MAST3: variants seen among roughly 807,000 people sequenced by gnomAD.
MAST3 encodes microtubule associated serine/threonine kinase 3.
In MAST3, 43 loss-of-function variants were observed where a neutral mutation model predicts 127.0. The ratio of observed to expected loss-of-function variants is 0.34; its 90% CI spans 0.27 to 0.44. MAST3 has a LOEUF of 0.44. Among genes scored for constraint, MAST3 ranks in the 20% least tolerant of loss-of-function variants. The pLI is 1.00. For missense variants in MAST3, 1,390 were observed against 1,919.1 expected (o/e 0.72, Z 5.15); for synonymous variants, 785 against 809.2 (o/e 0.97, Z 0.51).
At chr19:18,118,288 C>G (rs895110439) in intron 3 of MAST3, 2 of 979,664 alleles carry the variant, frequency 2.0e-6, no homozygotes, top group African/African-American at 3.5e-5. Flanking sequence ...GGCTCGGCGG[C>G]CAGCCGAGCA....
intron 11 of MAST3, 45 bp from the exon 12 acceptor site, chr19:18,128,355 G>C: frequency 6.7e-7 from 1 of 1,486,414 alleles, no homozygotes. Context: ...GTGATGCAGG[G>C]TGAGGCAGGG....
intron 1 of MAST3, among the ~76,000 whole-genome samples, chr19:18,106,540 C>CTCAT (rs2038079788): frequency 7.4e-6 from 1 of 136,012 alleles, no homozygotes; most frequent in Admixed American, 7.4e-5. Flanking sequence ...CTTGGCCCTT[C>CTCAT]TTATTTATTT....
chr19:18,110,181 T>C lies in MAST3; in HGVS notation c.72-471T>C. ...CCCCCAGCGGCCCAGCCCCCGCGTC[T>C]AGTCTGCCGCACCAGCCAGGCGTCT... On this transcript the variant is annotated intron_variant, in intron 2 of 27. Coordinates refer to ENST00000687212, the MANE Select transcript of MAST3 (RefSeq NM_001393504.1). The surrounding 1 kb of genome is among the most constrained non-coding windows in gnomAD (Gnocchi z 4.3). 2.0e-6 allele frequency: 2 copies of C among 985,388 alleles called. No individual in the cohort carries two copies. The highest frequency in any genetic ancestry group is 2.4e-6 in the Non-Finnish European group (2 of 829,950). 61.0% of individuals were successfully genotyped at this position (985,388 alleles called of 1,614,324 possible). A position where few individuals can be genotyped will look rare whatever the true frequency, so the allele number is the denominator to read the frequency against.
In MAST3 at chr19:18,130,705, A is replaced by T. The variant is rs1260713899; in HGVS notation, c.1432+3A>T. 1.2e-6 allele frequency: 2 copies of T among 1,612,666 alleles called. No individual in the cohort carries two copies. The highest frequency in any genetic ancestry group is 8.5e-7 in the Non-Finnish European group (1 of 1,179,358). ...TATGGTCATGGAATACGTGGAAGGT[A>T]CGCTCACTGGGGCTTGCATGCCTCC... On this transcript the variant is annotated splice_donor_region_variant and intron_variant, in intron 14 of 27. Coordinates refer to ENST00000687212, the MANE Select transcript of MAST3 (RefSeq NM_001393504.1).
At chr19:18,122,859 C>A in intron 6 of MAST3, 108 bp downstream of exon 6, 1 of 1,188,316 alleles carries the variant, frequency 8.4e-7, no homozygotes, top group Non-Finnish European at 1.2e-6. Flanking sequence ...AGTCAGCAAA[C>A]ATACTAGTTA....
intron 13 of MAST3, 64 bp downstream of exon 13, chr19:18,129,015 G>A: frequency 3.6e-6 from 5 of 1,391,292 alleles, no homozygotes; most frequent in South Asian, 3.5e-5. Context: ...TGAGGCCCAG[G>A]CAGCTCCTGC....
Position 18,147,063 on chromosome 19 carries a change from C to CATGGGG in MAST3, c.3326+20_3326+21insTGGGGA, listed in dbSNP as rs557399204. On this transcript the variant is annotated intron_variant, in intron 26 of 27. Coordinates refer to ENST00000687212, the MANE Select transcript of MAST3 (RefSeq NM_001393504.1). ...GGGAGCGGTACACAGGGGGCGGGGC[C>CATGGGG]ACGGGGACTGGGGTTCTTTTTTTCT... The CATGGGG allele has an allele frequency of 2.6e-3, 3,806 of 1,485,016 alleles. 94 individuals carry two copies. The African/African-American group carries it at 0.046, about 18-fold the overall frequency. The allele number at this position is 1,485,016 out of a possible 1,614,324, so 92.0% of individuals were successfully genotyped here.
rs148853162 is a variant in MAST3, at chr19:18,106,853, G to A, written c.40-734G>A. On this transcript the variant is annotated intron_variant, in intron 1 of 27. Transcript: ENST00000687212. Reference sequence around the variant, plus strand: ...CCCAAAGCTCTGGGATTACAGGTATGAGCCACTGCGCCTGACCGGCCCGGC... The same window carrying A: ...CCCAAAGCTCTGGGATTACAGGTATAAGCCACTGCGCCTGACCGGCCCGGC... 8.6e-3 allele frequency among the ~76,000 whole-genome samples: 1,297 copies of A among 151,568 alleles called. 23 individuals carry two copies. The highest frequency in any genetic ancestry group is 0.028 in the African/African-American group (1,173 of 41,318).
At position 18,123,205 on chromosome 19, in the gene MAST3, AC is replaced by A. The variant is rs752296095; in HGVS notation, c.400-11del. 2 of 1,612,750 alleles carry A rather than the reference AC, an allele frequency of 1.2e-6. No homozygotes were observed. The highest frequency in any genetic ancestry group is 1.7e-6 in the Non-Finnish European group (2 of 1,179,718). ...TGAACTCATGGCTCTGATCCCCACC[AC>A]TCTCTACCAGTCAAGCTCATCCTCC... On this transcript the variant is annotated splice_polypyrimidine_tract_variant and intron_variant, in intron 6 of 27. Coordinates refer to ENST00000687212, the MANE Select transcript of MAST3 (RefSeq NM_001393504.1).
At position 18,149,059 on chromosome 19, in the gene MAST3, A is replaced by AAAAACAACC; in HGVS notation, c.3509-130_3509-122dup. The stretch of plus-strand genomic sequence containing the variant: ...CAGAGCAAGACCCTGTCTCAAAAAC[A>AAAAACAACC]AAAACAACCAGGCATGATGGGTGGC... On this transcript the variant is annotated intron_variant, in intron 27 of 27. Transcript: ENST00000687212. This position sits in a 1 kb window ranked among gnomAD's most constrained non-coding sequence, Gnocchi z 5.9. The AAAAACAACC allele has an allele frequency of 9.8e-7, 1 of 1,025,214 alleles. No individual in the cohort carries two copies. The highest frequency in any genetic ancestry group is 1.3e-6 in the Non-Finnish European group (1 of 745,632). The allele number at this position is 1,025,214 out of a possible 1,614,324, so 63.5% of individuals were successfully genotyped here. A position where few individuals can be genotyped will look rare whatever the true frequency, so the allele number is the denominator to read the frequency against.
intron 2 of MAST3, chr19:18,109,902 AG>A: frequency 1.0e-6 from 1 of 974,320 alleles, no homozygotes; most frequent in Non-Finnish European, 1.2e-6. Context: ...GGCCGGGGCG[AG>A]GGCAGAGGCC....
rs763204445 is a variant in MAST3, at chr19:18,113,709, G to A, written c.161+2968G>A. On this transcript the variant is annotated intron_variant, in intron 3 of 27. Transcript: ENST00000687212. ...ACTCCTGACTTCAGGTGATCCACCC[G>A]CCATGGCCTCCCACAATGCTGGAAT... Among the ~76,000 whole-genome samples, 13 of 152,086 alleles carry A rather than the reference G, an allele frequency of 8.5e-5. 1 individual carries two copies. The highest frequency in any genetic ancestry group is 1.8e-4 in the Non-Finnish European group (12 of 68,012).
In MAST3 at chr19:18,124,296, G is replaced by A. The variant is rs749034632; in HGVS notation, c.875G>A (p.Ser292Asn). Residue 292 changes from serine to asparagine, a missense_variant, in exon 10 of 28, where the codon AGC becomes AAC. This residue lies in a region of MAST3 where 277 missense variants were observed against 384.8 expected (regional missense o/e 0.72). Transcript: ENST00000687212. ...GAGCGTTCGGACAGTGAGGAGGTCA[G>A]CTTCATCGTCCAGCTTGTCCGGAAA... is the stretch of plus-strand genomic sequence containing the variant. ...AHERSDSEEV[S>N]FIVQLVRKLL... is the part of the protein sequence containing the mutation. The A allele has an allele frequency of 6.2e-7, 1 of 1,609,438 alleles. No individual in the cohort carries two copies. The highest frequency in any genetic ancestry group is 8.5e-7 in the Non-Finnish European group (1 of 1,177,788).
intron 21 of MAST3, among the ~76,000 whole-genome samples, chr19:18,143,124 CAAAACAA>C (rs1568606070): frequency 3.5e-5 from 5 of 143,250 alleles, no homozygotes; most frequent in East Asian, 2.1e-4. Context: ...AAAAAAAAAA[CAAAACAA>C]AAAACAAAAA....
chr19:18,138,758 C>CA (rs2042138204), intron 19 of MAST3, among the ~76,000 whole-genome samples: 1 of 152,156 alleles, frequency 6.6e-6, no homozygotes, highest in Admixed American at 6.6e-5. Context: ...CTTGGCCTCT[C>CA]AAAGTGCTGG....
Position 18,135,810 on chromosome 19 carries a change from C to A in MAST3, c.1941C>A (p.Leu647=). The change falls in exon 18 of 28, where the codon CTC becomes CTA. Residue 647 remains leucine (L), a synonymous_variant. Coordinates refer to ENST00000687212, the MANE Select transcript of MAST3 (RefSeq NM_001393504.1). ...ADAQDLITRL[L]RQSPLDRLGT... ...CCCAGGACCTCATCACCAGGTTGCT[C>A]CGGCAGAGCCCGCTGGACCGTCTGG... 1 of 1,610,158 alleles carries A rather than the reference C, an allele frequency of 6.2e-7. No homozygotes were observed. The highest frequency in any genetic ancestry group is 1.1e-5 in the South Asian group (1 of 90,032).
Position 18,112,740 on chromosome 19 carries a change from G to C in MAST3, c.161+1999G>C, listed in dbSNP as rs1398841730. Reference sequence around the variant, plus strand: ...CCCGCCTTGGCTTCCCAAAGTGCTAGGATTATAGGCGTGAGCCACTGCACC... The same window carrying C: ...CCCGCCTTGGCTTCCCAAAGTGCTACGATTATAGGCGTGAGCCACTGCACC... On this transcript the variant is annotated intron_variant, in intron 3 of 27. Transcript: ENST00000687212. This position sits in a 1 kb window ranked among gnomAD's most constrained non-coding sequence, Gnocchi z 4.1. Among the ~76,000 whole-genome samples the C allele has an allele frequency of 6.6e-6, 1 of 152,156 alleles. No homozygotes were observed. Among genetic ancestry groups the C allele is most frequent in the Non-Finnish European group, 1.5e-5 (1 of 68,038 alleles).
rs200639173 is a variant in MAST3, at chr19:18,137,199, G to C, written c.1973-40G>C. 10 of 1,574,018 alleles carry C rather than the reference G, an allele frequency of 6.4e-6. No individual in the cohort carries two copies. In the Admixed American group the frequency reaches 1.4e-4, roughly 22 times the overall value. On this transcript the variant is annotated intron_variant, in intron 18 of 27. Transcript: ENST00000687212. ...GGTAGGGGGGCATCCTGTGGCGGGT[G>C]AGGTGAGGACCTGCAGGGCTCAGCG...
rs1026179397 is a variant in MAST3, at chr19:18,098,237, A to C, written c.39+406A>C. Among the ~76,000 whole-genome samples the C allele has an allele frequency of 1.5e-4, 23 of 152,252 alleles. No individual in the cohort carries two copies. In the East Asian group the frequency reaches 1.9e-3, roughly 13 times the overall value. ...TAATACCTCCTTGGGTCGTCGCTGC[A>C]CCACTGTACACCCTCAGCTCAGCCC... is the stretch of plus-strand genomic sequence containing the variant. On this transcript the variant is annotated intron_variant, in intron 1 of 27. Coordinates refer to ENST00000687212, the MANE Select transcript of MAST3 (RefSeq NM_001393504.1).
Sources: gnomAD v4.1 joint callset for allele counts (sites outside exome capture counted in the v4.1 genomes callset) on GRCh38, gnomAD v4.1.1 for gene constraint, gnomAD v4.1.1 regional missense constraint, Gnocchi (gnomAD v3.1) non-coding constraint, MANE v1.5 for transcripts, NCBI Gene and HGNC (gene_info 2026-07-23, HGNC 2026-07-21) for gene names.